The following NCOR2 variants were observed in gnomAD, a reference collection of about 807,000 sequenced individuals.
The protein encoded by NCOR2 is CTG repeat protein 26.
NCOR2 carries 81 observed loss-of-function variants against 262.9 expected under a neutral mutation model. The ratio of observed to expected loss-of-function variants is 0.31; its 90% CI spans 0.26 to 0.37. The LOEUF (loss-of-function observed/expected upper bound fraction) is 0.37. NCOR2 is among the 10% of genes least tolerant of loss of function. The pLI is 1.00. For missense variants in NCOR2, 3,385 were observed against 3,621.4 expected, an observed-to-expected ratio of 0.93 and a Z score of 1.68; for synonymous variants, 1,659 against 1,559.3, an observed-to-expected ratio of 1.06 and a Z score of -1.51.
Position 124,495,036 on chromosome 12 carries a change from C to T in NCOR2, c.105+111G>A, listed in dbSNP as rs1478672283. The T allele has an allele frequency of 4.3e-6, 6 of 1,400,238 alleles. No homozygotes were observed. Among genetic ancestry groups the T allele is most frequent in the Non-Finnish European group, 4.8e-6 (5 of 1,032,426 alleles). 86.7% of individuals were successfully genotyped at this position (1,400,238 alleles called of 1,614,324 possible). ...GCGGCCTCCCCTCTGCCCTGGGAGG[C>T]TCAGAGCCACATGAGCCTGGCTCCC... is the stretch of plus-strand genomic sequence containing the variant. On this transcript the variant is annotated intron_variant, in intron 1 of 46. Transcript: ENST00000405201. The surrounding 1 kb of genome is among the most constrained non-coding windows in gnomAD (Gnocchi z 4.4).
intron 7 of NCOR2, among the ~76,000 whole-genome samples, chr12:124,442,210 C>G (rs933749745): frequency 2.0e-5 from 3 of 152,222 alleles, no homozygotes; most frequent in Admixed American, 6.5e-5. Flanking sequence ...GTGGCTCGAT[C>G]ATGGCTCACT....
upstream of NCOR2, chr12:124,539,278 G>A (rs1260143628): frequency 1.3e-5 from 2 of 152,640 alleles, no homozygotes; most frequent in East Asian, 1.9e-4. This position sits in a 1 kb window ranked among gnomAD's most constrained non-coding sequence, Gnocchi z 5.1. Context: ...TGCTCACTCT[G>A]CTGCACTCAC....
At chr12:124,333,053 C>A (rs903811414) in intron 42 of NCOR2, 77 bp downstream of exon 44, 1 of 1,505,370 alleles carries the variant, frequency 6.6e-7, no homozygotes, top group Non-Finnish European at 8.9e-7. Context: ...CCACATGGCA[C>A]CACGGTGGAC....
chr12:124,388,869 G>A (rs1593328528), intron 16 of NCOR2: 2 of 125,406 alleles, frequency 1.6e-5, no homozygotes, highest in African/African-American at 5.4e-4. Context: ...CCACGGTGAG[G>A]GAGGGAGGGA....
intron 40 of NCOR2, 170 bp downstream of exon 42, chr12:124,334,965 G>A: frequency 1.0e-6 from 1 of 984,176 alleles, no homozygotes; most frequent in Admixed American, 2.1e-5. Flanking sequence ...CCGGTGCTCG[G>A]GGCTTTGGGA....
chr12:124,519,807 C>T (rs1188801443), intron 1 of NCOR2, among the ~76,000 whole-genome samples: 1 of 152,192 alleles, frequency 6.6e-6, no homozygotes, highest in African/African-American at 2.4e-5. Context: ...GCTGGCCTCA[C>T]ACCACCGCGG....
intron 1 of NCOR2, among the ~76,000 whole-genome samples, chr12:124,532,673 C>T (rs1213247791): frequency 1.3e-5 from 2 of 152,212 alleles, no homozygotes; most frequent in Admixed American, 1.3e-4. Context: ...GATAACTCAG[C>T]CACAGGAGGA....
upstream of NCOR2, chr12:124,495,427 G>C: frequency 7.7e-7 from 1 of 1,300,774 alleles, no homozygotes; most frequent in Non-Finnish European, 1.0e-6. This position sits in a 1 kb window ranked among gnomAD's most constrained non-coding sequence, Gnocchi z 4.4. Context: ...GCTCCTCCGT[G>C]CACAGGTCCC....
intron 10 of NCOR2, among the ~76,000 whole-genome samples, chr12:124,428,261 G>A (rs571694376): frequency 5.9e-5 from 9 of 152,328 alleles, no homozygotes; most frequent in South Asian, 2.1e-4. Flanking sequence ...GCCCAGCTCC[G>A]GCGCCCAGCC....
chr12:124,509,243 G>GGC (rs2049250946), intron 1 of NCOR2, among the ~76,000 whole-genome samples: 1 of 151,104 alleles, frequency 6.6e-6, no homozygotes, highest in South Asian at 2.1e-4. Flanking sequence ...GGTGGGGGGG[G>GGC]GGGGGGCTTA....
At chr12:124,372,717 A>G in intron 19 of NCOR2, 107 bp from the exon 22 acceptor site, 2 of 1,016,474 alleles carry the variant, frequency 2.0e-6, no homozygotes, top group South Asian at 1.5e-5. Flanking sequence ...GCCTGATGCC[A>G]AAACAGCCCC....
rs920527718 is a variant in NCOR2 at position 124,346,418 on chromosome 12, G to C, written c.4359+146C>G. ...GCAGCCCTGGAACACGCACAGCTGA[G>C]GCCCGGTGATGAGCAGCTGGGTGAC... On this transcript the variant is annotated intron_variant, in intron 31 of 46. Transcript: ENST00000405201. 7.8e-6 allele frequency: 7 copies of C among 892,958 alleles called. No individual in the cohort carries two copies. The Admixed American group carries it at 2.2e-4, about 28-fold the overall frequency. The allele number at this position is 892,958 out of a possible 1,614,324, so 55.3% of individuals were successfully genotyped here.
rs1383321026 is a variant in NCOR2, at chr12:124,549,967, C to T, written c.-164-14356G>A. On this transcript the variant is annotated intron_variant, in intron 1 of 32. Transcript: ENST00000458234. The surrounding 1 kb of genome is among the most constrained non-coding windows in gnomAD (Gnocchi z 4.4). ...TCCGAGGAAAACTCCTTCGCAGGAC[C>T]TTTCTCCCCTCCTGAGGTCCCTCTC... Among the ~76,000 whole-genome samples, 2 of 152,222 alleles carry T rather than the reference C, an allele frequency of 1.3e-5. No homozygotes were observed. The highest frequency in any genetic ancestry group is 6.5e-5 in the Admixed American group (1 of 15,290).
intron 30 of NCOR2, among the ~76,000 whole-genome samples, 174 bp from the exon 33 acceptor site, chr12:124,347,024 G>C (rs2036987870): frequency 6.6e-6 from 1 of 152,192 alleles, no homozygotes; most frequent in South Asian, 2.1e-4. Context: ...CATAAAACAA[G>C]AATATTAACT....
chr12:124,501,260 T>C (rs996019188), intron 1 of NCOR2, among the ~76,000 whole-genome samples: 1 of 151,968 alleles, frequency 6.6e-6, no homozygotes, highest in African/African-American at 2.4e-5. Flanking sequence ...CTCAGCCACA[T>C]ACGGCCTCCC....
In NCOR2 at chr12:124,549,023, G is replaced by A. The variant is rs540213027; in HGVS notation, c.-164-13412C>T. Among the ~76,000 whole-genome samples the A allele has an allele frequency of 2.6e-5, 4 of 152,218 alleles. No individual in the cohort carries two copies. The highest frequency in any genetic ancestry group is 1.9e-4 in the East Asian group (1 of 5,188). ...TTGCTGTTGTTGTTAATTCTGTGTC[G>A]AGTCTAGTCTGTATTAAGGAGGAAT... On this transcript the variant is annotated intron_variant, in intron 1 of 32. Coordinates refer to the NCOR2 transcript ENST00000458234. This position sits in a 1 kb window ranked among gnomAD's most constrained non-coding sequence, Gnocchi z 4.4.
At chr12:124,419,917 G>A in intron 13 of NCOR2, 40 bp downstream of exon 15, 1 of 1,572,548 alleles carries the variant, frequency 6.4e-7, no homozygotes, top group Middle Eastern at 1.7e-4. Flanking sequence ...TGAGCATGCA[G>A]GGAGCCTGCA....
chr12:124,337,046 C>A, exon 38 of NCOR2: 1 of 1,495,194 alleles, frequency 6.7e-7, no homozygotes, highest in Non-Finnish European at 8.9e-7. Context: ...CCGGGCGACC[C>A]GGGGGGCCTC....
intron 11 of NCOR2, among the ~76,000 whole-genome samples, chr12:124,426,057 C>A (rs1023734258): frequency 5.3e-5 from 8 of 152,190 alleles, no homozygotes; most frequent in Non-Finnish European, 1.2e-4. Context: ...AGGCTGCGGC[C>A]CAGCCTCTAA....
Sources: gnomAD v4.1 joint callset for allele counts (sites outside exome capture counted in the v4.1 genomes callset) on GRCh38, gnomAD v4.1.1 for gene constraint, Gnocchi (gnomAD v3.1) non-coding constraint, MANE v1.5 for transcripts, NCBI Gene and HGNC (gene_info 2026-07-23, HGNC 2026-07-21) for gene names.